Variants in USP39 observed in about 807,000 individuals in gnomAD.
USP39 encodes the protein ubiquitin specific peptidase 39.
USP39 carries 38 observed loss-of-function variants against 66.4 expected under a neutral mutation model. The observed-to-expected ratio is 0.57, with a 90% CI of 0.44 to 0.75. The LOEUF is 0.75. Ranked by LOEUF, USP39 falls within the 30% of genes least tolerant of loss-of-function variation. The pLI is 0.00. For missense variants in USP39, 608 were observed against 714.4 expected (o/e 0.85, Z 1.70); for synonymous variants, 303 against 274.6 (o/e 1.10, Z -1.02).
intron 1 of USP39, among the ~76,000 whole-genome samples, chr2:85,603,759 A>C (rs1006635104): frequency 2.0e-5 from 3 of 151,500 alleles, no homozygotes; most frequent in Non-Finnish European, 2.9e-5. Context: ...CACCCGGCTA[A>C]TTTTTTTGTA....
chr2:85,608,947 A>G (rs1673324770), upstream of USP39: 1 of 1,614,120 alleles, frequency 6.2e-7, no homozygotes, highest in Admixed American at 1.7e-5. Flanking sequence ...CAACATGGTC[A>G]GTGTTGGCTC....
chr2:85,607,157 T>C (rs1673243930), upstream of USP39: 1 of 152,204 alleles, frequency 6.6e-6, no homozygotes, highest in African/African-American at 2.4e-5. Flanking sequence ...GTGATCCAGC[T>C]GTGCGAAAAC....
intron 2 of USP39, among the ~76,000 whole-genome samples, chr2:85,620,446 T>G (rs1441454832): frequency 6.6e-6 from 1 of 150,794 alleles, no homozygotes; most frequent in Non-Finnish European, 1.5e-5. Flanking sequence ...GCCACTGTAC[T>G]CCAGCCTGGA....
At chr2:85,612,964 T>C (rs1375599354), upstream of USP39, among the ~76,000 whole-genome samples, 416 of 60,286 alleles carry the variant, frequency 6.9e-3, 3 homozygotes, top group African/African-American at 0.032. Context: ...CCCGGCCCCT[T>C]TTTTTTTTTT....
chr2:85,623,851 G>A, intron 4 of USP39, 69 bp downstream of exon 4: 4 of 1,495,814 alleles, frequency 2.7e-6, no homozygotes, highest in Non-Finnish European at 3.6e-6. Context: ...CCAGGGGACT[G>A]CCCCACCTGA....
intron 1 of USP39, among the ~76,000 whole-genome samples, chr2:85,618,843 C>A (rs1470951914): frequency 6.6e-6 from 1 of 151,794 alleles, no homozygotes; most frequent in East Asian, 2.0e-4. Context: ...GATCTCTGCT[C>A]ACTGCAACCG....
chr2:85,617,809 G>A (rs1674111929), intron 1 of USP39, among the ~76,000 whole-genome samples: 1 of 152,106 alleles, frequency 6.6e-6, no homozygotes, highest in Non-Finnish European at 1.5e-5. Flanking sequence ...CTAATAAACT[G>A]TCCTTTATTT....
intron 5 of USP39, among the ~76,000 whole-genome samples, chr2:85,626,129 G>A (rs1674844931): frequency 6.6e-6 from 1 of 152,122 alleles, no homozygotes; most frequent in Non-Finnish European, 1.5e-5. Context: ...GGAGGCCAAG[G>A]CGGGAGGATC....
At chr2:85,635,420 C>T (rs1220784225) in intron 6 of USP39, among the ~76,000 whole-genome samples, 3 of 152,084 alleles carry the variant, frequency 2.0e-5, no homozygotes, top group Admixed American at 6.6e-5. Context: ...ATTAGCTGGG[C>T]ATGGTAGCAG....
At chr2:85,630,605 C>CT in intron 5 of USP39, 116 bp from the exon 6 acceptor site, 1 of 986,300 alleles carries the variant, frequency 1.0e-6, no homozygotes, top group African/African-American at 1.6e-5. Context: ...ACTTTTGGCT[C>CT]TTTAAGGCCA....
At chr2:85,614,265 T>C (rs1211622090), upstream of USP39, among the ~76,000 whole-genome samples, 1 of 152,000 alleles carries the variant, frequency 6.6e-6, no homozygotes, top group Non-Finnish European at 1.5e-5. Flanking sequence ...CTGTAATCCC[T>C]GCACTTTGGA....
At chr2:85,632,568 C>G (rs1403004727) in intron 6 of USP39, among the ~76,000 whole-genome samples, 1 of 151,604 alleles carries the variant, frequency 6.6e-6, no homozygotes, top group African/African-American at 2.4e-5. Flanking sequence ...CTGACTCAGC[C>G]TCCCAAGTAG....
intron 5 of USP39, among the ~76,000 whole-genome samples, chr2:85,630,190 A>G (rs985762716): frequency 2.0e-5 from 3 of 151,464 alleles, no homozygotes; most frequent in Non-Finnish European, 4.4e-5. Flanking sequence ...ACAGCTCCCT[A>G]TATTTACTTT....
At chr2:85,610,491 A>G (rs1673438829), upstream of USP39, 2 of 152,210 alleles carry the variant, frequency 1.3e-5, no homozygotes, top group Admixed American at 1.3e-4. Flanking sequence ...AGGCTCTGCC[A>G]TTTACTAGCT....
At chr2:85,625,743 G>A (rs769994099) in intron 5 of USP39, 52 bp downstream of exon 5, 1 of 1,591,272 alleles carries the variant, frequency 6.3e-7, no homozygotes, top group African/African-American at 1.3e-5. Context: ...AGAAGGCTGA[G>A]CACAGTGGCT....
intron 6 of USP39, among the ~76,000 whole-genome samples, chr2:85,635,286 G>A (rs932040860): frequency 1.3e-5 from 2 of 152,168 alleles, no homozygotes; most frequent in African/African-American, 2.4e-5. Context: ...CTGGCTGGGC[G>A]CAGTGGCTCA....
intron 9 of USP39, among the ~76,000 whole-genome samples, chr2:85,640,479 C>T (rs543077643): frequency 1.1e-4 from 17 of 151,004 alleles, no homozygotes; most frequent in East Asian, 9.8e-4. Flanking sequence ...AGTAGAGATG[C>T]GGTTTCACCC....
rs775664201 is a variant in USP39, at chr2:85,616,318, G to C, written c.123G>C (p.Ala41=). 3.8e-6 allele frequency: 6 copies of C among 1,584,940 alleles called. No individual in the cohort carries two copies. The highest frequency in any genetic ancestry group is 5.2e-6 in the Non-Finnish European group (6 of 1,164,644). Residue 41 remains alanine, a synonymous_variant, in exon 1 of 13, where the codon GCG becomes GCC. Transcript: ENST00000323701. ...ERDREREPEA[A]SSRGSPVRVK... ...ATCGGGAGCGGGAGCCTGAGGCGGC[G>C]AGCTCCCGGGGCAGCCCTGTGCGCG...
chr2:85,630,950 A>G lies in USP39; in HGVS notation c.949+4A>G. 6.2e-7 allele frequency: 1 copy of G among 1,611,364 alleles called. No individual in the cohort carries two copies. The highest frequency in any genetic ancestry group is 8.5e-7 in the Non-Finnish European group (1 of 1,178,410). On this transcript the variant is annotated splice_donor_region_variant and intron_variant, in intron 6 of 12. Coordinates refer to ENST00000323701, the MANE Select transcript of USP39 (RefSeq NM_006590.4). ...ACTTTTCAGATCACCAAACAAGGTAAGAACAAGTCATTCATGTTTCAGGAC... is the reference window on the plus strand; with the variant it reads ...ACTTTTCAGATCACCAAACAAGGTAGGAACAAGTCATTCATGTTTCAGGAC...
Sources: gnomAD v4.1 joint callset for allele counts (sites outside exome capture counted in the v4.1 genomes callset) on GRCh38, gnomAD v4.1.1 for gene constraint, MANE v1.5 for transcripts, NCBI Gene and HGNC (gene_info 2026-07-23, HGNC 2026-07-21) for gene names.